Variants in PRKG1 observed in about 807,000 individuals in gnomAD.
PRKG1 encodes protein kinase cGMP-dependent 1.
A neutral mutation model predicts 88.1 loss-of-function variants in PRKG1; 35 were observed. That is an observed-to-expected ratio of 0.40 (90% CI 0.30 to 0.53). The LOEUF (loss-of-function observed/expected upper bound fraction) is 0.53. PRKG1 is among the 20% of genes least tolerant of loss of function. The pLI, the probability that PRKG1 is intolerant of heterozygous loss-of-function variation, is 0.59. For missense variants in PRKG1, 540 were observed against 839.8 expected (o/e 0.64, Z 4.41); for synonymous variants, 303 against 292.5 (o/e 1.04, Z -0.37).
chr10:51,771,523 C>G (rs902107574), intron 3 of PRKG1, among the ~76,000 whole-genome samples: 1 of 152,162 alleles, frequency 6.6e-6, no homozygotes, highest in Non-Finnish European at 1.5e-5. Flanking sequence ...AATTTCCTAT[C>G]TAATTCTTTG....
intron 4 of PRKG1, among the ~76,000 whole-genome samples, chr10:51,863,015 A>C (rs565038440): frequency 2.7e-4 from 41 of 152,144 alleles, no homozygotes; most frequent in Non-Finnish European, 5.6e-4. Context: ...GAGGGATCCG[A>C]GAATATAAAT....
At chr10:51,627,826 A>T (rs1839374210) in intron 3 of PRKG1, among the ~76,000 whole-genome samples, 1 of 144,892 alleles carries the variant, frequency 6.9e-6, no homozygotes. Flanking sequence ...GAAAGTCACA[A>T]TCTTCCTCTC....
rs149725985 is a variant in PRKG1, at chr10:52,288,466, C to G, written c.1710-260C>G. On this transcript the variant is annotated intron_variant, in intron 14 of 17. Coordinates refer to ENST00000373980, the MANE Select transcript of PRKG1 (RefSeq NM_006258.4). ...AAGAAGCATCTTGAATGACCAAGGA[C>G]AGCATGAGGGCTTAGACTCCAGCAC... 2.0e-5 allele frequency among the ~76,000 whole-genome samples: 3 copies of G among 152,200 alleles called. No homozygotes were observed. In the East Asian group the frequency reaches 5.8e-4, roughly 29 times the overall value.
intron 1 of PRKG1, among the ~76,000 whole-genome samples, chr10:51,123,577 T>G (rs1002402761): frequency 7.9e-5 from 12 of 151,810 alleles, no homozygotes; most frequent in African/African-American, 2.7e-4. Context: ...TCCCAGCTAC[T>G]CGGGTGGCTG....
chr10:51,568,503 G>A (rs1413591480), intron 3 of PRKG1: 2 of 151,882 alleles, frequency 1.3e-5, no homozygotes, highest in Non-Finnish European at 2.9e-5. Flanking sequence ...ACCTCTCAAA[G>A]TGCTGGAATT....
chr10:50,999,322 T>A (rs1161536685), intron 1 of PRKG1, among the ~76,000 whole-genome samples: 1 of 152,228 alleles, frequency 6.6e-6, no homozygotes, highest in Non-Finnish European at 1.5e-5. Flanking sequence ...ATAACATGAC[T>A]GTGCTGATTT....
chr10:51,308,620 G>A (rs1035479304), intron 2 of PRKG1, among the ~76,000 whole-genome samples: 4 of 152,098 alleles, frequency 2.6e-5, no homozygotes, highest in African/African-American at 4.8e-5. Flanking sequence ...AGTAGTCAGT[G>A]TGTGGCAAGG....
chr10:51,304,928 G>A (rs1840997463), intron 2 of PRKG1, among the ~76,000 whole-genome samples: 1 of 151,736 alleles, frequency 6.6e-6, no homozygotes, highest in African/African-American at 2.4e-5. Context: ...TACTTGTAAG[G>A]GGTAGAGAGA....
intron 5 of PRKG1, among the ~76,000 whole-genome samples, chr10:51,999,466 C>T (rs1309273913): frequency 6.6e-6 from 1 of 152,156 alleles, no homozygotes; most frequent in Non-Finnish European, 1.5e-5. Context: ...CCAGAATCAA[C>T]GTGAACTTGG....
intron 3 of PRKG1, among the ~76,000 whole-genome samples, chr10:51,672,843 CA>C (rs1279022686): frequency 6.6e-6 from 1 of 152,168 alleles, no homozygotes; most frequent in African/African-American, 2.4e-5. Flanking sequence ...TACCCTGAGT[CA>C]AGACGAAGCC....
At chr10:51,642,799 A>G (rs959834724) in intron 3 of PRKG1, among the ~76,000 whole-genome samples, 2 of 152,224 alleles carry the variant, frequency 1.3e-5, no homozygotes, top group East Asian at 1.9e-4. Flanking sequence ...TCACAATGGT[A>G]CAAGCCTGAA....
chr10:52,023,525 C>A (rs1320946516), intron 5 of PRKG1, among the ~76,000 whole-genome samples: 2 of 152,206 alleles, frequency 1.3e-5, no homozygotes, highest in African/African-American at 4.8e-5. Context: ...AGTTTACAGT[C>A]CCACCAACAG....
chr10:51,997,840 C>T (rs1173966683), intron 5 of PRKG1, among the ~76,000 whole-genome samples: 1 of 151,876 alleles, frequency 6.6e-6, no homozygotes, highest in Non-Finnish European at 1.5e-5. Flanking sequence ...GTCCCCTCCC[C>T]ATCTCTCTCT....
intron 3 of PRKG1, among the ~76,000 whole-genome samples, chr10:51,775,502 A>G (rs114295706): frequency 9.7e-4 from 147 of 152,218 alleles, no homozygotes; most frequent in African/African-American, 3.3e-3. Context: ...CACAAATCTG[A>G]GTAGATGATT....
chr10:52,120,242 G>C (rs1417767227), intron 7 of PRKG1, among the ~76,000 whole-genome samples: 1 of 152,156 alleles, frequency 6.6e-6, no homozygotes, highest in Non-Finnish European at 1.5e-5. Context: ...TGTTGCACTG[G>C]AGATTAAGCT....
At chr10:51,533,818 G>A (rs1024169701) in intron 3 of PRKG1, among the ~76,000 whole-genome samples, 6 of 152,142 alleles carry the variant, frequency 3.9e-5, no homozygotes, top group Admixed American at 3.3e-4. Context: ...GTGAAAACCT[G>A]TAAATTATTG....
intron 2 of PRKG1, among the ~76,000 whole-genome samples, chr10:51,375,483 T>A (rs758124419): frequency 2.0e-5 from 3 of 152,034 alleles, no homozygotes; most frequent in African/African-American, 7.2e-5. Context: ...GCATCTCATA[T>A]GTGAAAATCT....
chr10:52,047,384 T>G (rs539048260), intron 5 of PRKG1, among the ~76,000 whole-genome samples: 33 of 152,252 alleles, frequency 2.2e-4, no homozygotes, highest in African/African-American at 7.9e-4. Context: ...GCACTACTTC[T>G]GTGATGAAAT....
chr10:52,274,514 C>T (rs1050554506), intron 12 of PRKG1, among the ~76,000 whole-genome samples: 1 of 138,624 alleles, frequency 7.2e-6, no homozygotes, highest in African/African-American at 2.7e-5. Flanking sequence ...TATATACATG[C>T]CATCATATAT....
Sources: allele counts gnomAD v4.1 joint callset (sites outside exome capture counted in the v4.1 genomes callset), GRCh38; gene constraint gnomAD v4.1.1; transcripts MANE v1.5; gene names NCBI Gene and HGNC (gene_info 2026-07-23, HGNC 2026-07-21).